ABHD4: variants seen among roughly 807,000 people sequenced by gnomAD.
ABHD4 encodes the protein abhydrolase domain containing 4, N-acyl phospholipase B, also known as (Lyso)-N-acylphosphatidylethanolamine lipase.
In ABHD4, 35 loss-of-function variants were observed where a neutral mutation model predicts 42.3. That is an observed-to-expected ratio of 0.83 (90% CI 0.63 to 1.10). ABHD4 has a LOEUF of 1.10. Among genes scored for constraint, ABHD4 ranks in the 50% least tolerant of loss-of-function variants. The pLI, the probability that ABHD4 is intolerant of heterozygous loss-of-function variation, is 0.00. For synonymous variants in ABHD4, 169 were observed against 170.6 expected (o/e 0.99, Z 0.07); for missense variants, 389 against 454.8 (o/e 0.86, Z 1.32).
rs1288022242 is a variant in ABHD4, at chr14:22,611,563, G to A, written c.*615G>A. On this transcript the variant is annotated 3_prime_UTR_variant, in exon 7 of 7. Transcript: ENST00000428304. ...GGCTGGACCATGGTGATACAGCTCTGTGTGATTCAAGTTCTGGCAGAGCTT... is the reference window on the plus strand; with the variant it reads ...GGCTGGACCATGGTGATACAGCTCTATGTGATTCAAGTTCTGGCAGAGCTT... 6.5e-6 allele frequency: 1 copy of A among 152,822 alleles called. No homozygotes were observed. The highest frequency in any genetic ancestry group is 2.4e-5 in the African/African-American group (1 of 41,466). 9.5% of individuals were successfully genotyped at this position (152,822 alleles called of 1,614,324 possible).
intron 1 of ABHD4, among the ~76,000 whole-genome samples, chr14:22,600,946 A>G (rs1215777004): frequency 6.6e-6 from 1 of 151,790 alleles, no homozygotes; most frequent in Non-Finnish European, 1.5e-5. Flanking sequence ...GAAGGAGAAA[A>G]CGGGATGAGT....
rs745459798 is a variant in ABHD4, at chr14:22,609,882, A to G, written c.911A>G (p.Gln304Arg). ...DTSTGKKVKM[Q>R]RPDSYVRDME... ...AGTACGGGAAAAAAGGTGAAGATGC[A>G]GCGGCCGGATTCCTATGTCCGAGAC... is the stretch of plus-strand genomic sequence containing the variant. Residue 304 changes from glutamine to arginine, a missense_variant, in exon 6 of 7, where the codon CAG (glutamine) becomes CGG (arginine). Transcript: ENST00000428304. 1.2e-6 allele frequency: 2 copies of G among 1,614,086 alleles called. No homozygotes were observed. Among genetic ancestry groups the G allele is most frequent in the East Asian group, 2.2e-5 (1 of 44,872 alleles).
At chr14:22,600,750 G>A (rs1240928708) in intron 1 of ABHD4, among the ~76,000 whole-genome samples, 2 of 151,948 alleles carry the variant, frequency 1.3e-5, no homozygotes, top group Admixed American at 1.3e-4. Flanking sequence ...TACATATACA[G>A]ATGCTCAAAG....
At chr14:22,610,539 T>C (rs376126587) in intron 6 of ABHD4, among the ~76,000 whole-genome samples, 24 of 152,290 alleles carry the variant, frequency 1.6e-4, no homozygotes, top group South Asian at 1.5e-3. Context: ...CTCTCCGCCA[T>C]GTGCCAATGA....
intron 2 of ABHD4, among the ~76,000 whole-genome samples, chr14:22,603,093 G>A (rs989338159): frequency 6.6e-6 from 1 of 152,258 alleles, no homozygotes; most frequent in Non-Finnish European, 1.5e-5. Flanking sequence ...ACTAACTGAT[G>A]TATGACTTAC....
chr14:22,604,327 T>C (rs1015614212), intron 4 of ABHD4: 4 of 360,088 alleles, frequency 1.1e-5, no homozygotes, highest in African/African-American at 8.2e-5. Context: ...CTCGGCTCAC[T>C]GCAAGCTCCG....
Position 22,611,075 on chromosome 14 carries a change from C to G in ABHD4, c.*127C>G. The G allele has an allele frequency of 1.2e-6, 1 of 808,832 alleles. No individual in the cohort carries two copies. Among genetic ancestry groups the G allele is most frequent in the Non-Finnish European group, 2.1e-6 (1 of 487,794 alleles). 50.1% of individuals were successfully genotyped at this position (808,832 alleles called of 1,614,324 possible). ...CAGCCAGGCAGAGTCTTGTGCTGTT[C>G]CCAGAACAGGACGACAGTGAAAAGA... On this transcript the variant is annotated 3_prime_UTR_variant, in exon 7 of 7. Transcript: ENST00000428304.
rs1424472634 is a variant in ABHD4 at position 22,598,320 on chromosome 14, T to C, written c.14T>C (p.Leu5Pro). 3.9e-6 allele frequency: 6 copies of C among 1,551,636 alleles called. No individual in the cohort carries two copies. The African/African-American group carries it at 4.1e-5, about 11-fold the overall frequency. The stretch of plus-strand genomic sequence containing the variant: ...GGCTTGTTTACTATGGCCGATGATC[T>C]GGAGCAGCAGTGAGTTAATCCTGTC... MADDLEQQSQGWLSS... is the reference protein window; with the variant it reads MADDPEQQSQGWLSS... The change falls in exon 1 of 7, where the codon CTG becomes CCG. Residue 5 changes from leucine to proline, a missense_variant. Transcript: ENST00000428304.
At position 22,609,864 on chromosome 14, in the gene ABHD4, G is replaced by T; in HGVS notation, c.893G>T (p.Gly298Val). 6.2e-7 allele frequency: 1 copy of T among 1,613,886 alleles called. No homozygotes were observed. The highest frequency in any genetic ancestry group is 8.5e-7 in the Non-Finnish European group (1 of 1,179,914). Residue 298 changes from glycine to valine, a missense_variant, in exon 6 of 7, where the codon GGA becomes GTA. Gly to Val is a moderately radical substitution (Grantham distance 109). Coordinates refer to ENST00000428304, the MANE Select transcript of ABHD4 (RefSeq NM_022060.3). ...GACACCTGGATAGATACCAGTACGGGAAAAAAGGTGAAGATGCAGCGGCCG... is the reference window on the plus strand; with the variant it reads ...GACACCTGGATAGATACCAGTACGGTAAAAAAGGTGAAGATGCAGCGGCCG... ...GSDTWIDTSTGKKVKMQRPDS... is the reference protein window; with the variant it reads ...GSDTWIDTSTVKKVKMQRPDS...
intron 1 of ABHD4, among the ~76,000 whole-genome samples, chr14:22,600,831 G>GTGTGTGT (rs1555307697): frequency 4.4e-4 from 29 of 65,226 alleles, no homozygotes; most frequent in African/African-American, 1.2e-3. Flanking sequence ...CCAGCAGGGG[G>GTGTGTGT]GTGTGTGTGT....
At position 22,604,023 on chromosome 14, in the gene ABHD4, C is replaced by T. The variant is rs1278031561; in HGVS notation, c.584C>T (p.Ala195Val). Residue 195 changes from alanine (A) to valine (V), a missense_variant, in exon 4 of 7, where the codon GCA becomes GTA. This residue lies in a region of ABHD4 where 249 missense variants were observed against 254.4 expected (regional missense o/e 0.98). Coordinates refer to ENST00000428304, the MANE Select transcript of ABHD4 (RefSeq NM_022060.3). The stretch of plus-strand genomic sequence containing the variant: ...CCCCCAGCCTGGGTCAAAGCCGTGG[C>T]ATCTGTCCTAGGACGTTCCAATCCA... The part of the protein sequence containing the change: ...RAPPAWVKAV[A>V]SVLGRSNPLA... The T allele has an allele frequency of 6.2e-7, 1 of 1,614,232 alleles. No homozygotes were observed.
chr14:22,609,701 T>C, intron 5 of ABHD4, 23 bp from the exon 6 acceptor site: 2 of 1,609,848 alleles, frequency 1.2e-6, no homozygotes, highest in Non-Finnish European at 1.7e-6. Flanking sequence ...CTGTGAAGTT[T>C]ATTGCTGTTT....
chr14:22,601,533 C>A, intron 1 of ABHD4, 134 bp from the exon 2 acceptor site: 2 of 741,776 alleles, frequency 2.7e-6, no homozygotes, highest in Non-Finnish European at 2.3e-6. Context: ...CTGCTGCCTG[C>A]CATGGGGGGC....
At chr14:22,601,029 C>T (rs573165687) in intron 1 of ABHD4, among the ~76,000 whole-genome samples, 2 of 152,274 alleles carry the variant, frequency 1.3e-5, no homozygotes, top group African/African-American at 4.8e-5. Context: ...ATCTAGAAAA[C>T]AAGACCAGAG....
At position 22,611,112 on chromosome 14, in the gene ABHD4, C is replaced by T. The variant is rs1750205769; in HGVS notation, c.*164C>T. The T allele has an allele frequency of 1.5e-6, 1 of 647,700 alleles. No homozygotes were observed. The highest frequency in any genetic ancestry group is 2.7e-6 in the Non-Finnish European group (1 of 366,580). 40.1% of individuals were successfully genotyped at this position (647,700 alleles called of 1,614,324 possible). On this transcript the variant is annotated 3_prime_UTR_variant, in exon 7 of 7. Transcript: ENST00000428304. Reference sequence around the variant, plus strand: ...CGACAGTGAAAAGAACACTCTTGACCCTACACTGAAGGCTGAAGGCAGAAG... The same window carrying T: ...CGACAGTGAAAAGAACACTCTTGACTCTACACTGAAGGCTGAAGGCAGAAG...
intron 1 of ABHD4, among the ~76,000 whole-genome samples, chr14:22,601,004 T>TCTA (rs1398733282): frequency 6.6e-6 from 1 of 152,168 alleles, no homozygotes; most frequent in African/African-American, 2.4e-5. Context: ...AGGTGAGCTT[T>TCTA]CTACTCATTT....
At chr14:22,608,468 T>C (rs1473605400) in intron 5 of ABHD4, among the ~76,000 whole-genome samples, 1 of 152,228 alleles carries the variant, frequency 6.6e-6, no homozygotes, top group Non-Finnish European at 1.5e-5. Flanking sequence ...GCATTTGTTG[T>C]TTCTTGCTTA....
At chr14:22,608,804 C>T (rs752693348) in intron 5 of ABHD4, among the ~76,000 whole-genome samples, 2 of 152,180 alleles carry the variant, frequency 1.3e-5, no homozygotes, top group African/African-American at 2.4e-5. Context: ...CAGGTTCAAG[C>T]GATTCTCCTG....
intron 5 of ABHD4, among the ~76,000 whole-genome samples, chr14:22,608,415 T>C (rs2037372008): frequency 6.6e-6 from 1 of 152,200 alleles, no homozygotes; most frequent in South Asian, 2.1e-4. Flanking sequence ...CCTCAATTCA[T>C]TCTACCTGAG....
Sources: allele counts gnomAD v4.1 joint callset (sites outside exome capture counted in the v4.1 genomes callset), GRCh38; gene constraint gnomAD v4.1.1; regional missense constraint gnomAD v4.1.1; transcripts MANE v1.5; gene names NCBI Gene and HGNC (gene_info 2026-07-23, HGNC 2026-07-21).